EPM2A: variants seen among roughly 807,000 people sequenced by gnomAD.
EPM2A encodes the protein laforin.
In EPM2A, 21 loss-of-function variants were observed where a neutral mutation model predicts 26.5. The observed-to-expected ratio is 0.79, with a 90% CI of 0.56 to 1.14. The LOEUF (loss-of-function observed/expected upper bound fraction) is 1.14, where lower values mean the gene tolerates loss of function less well. EPM2A is among the 50% of genes most tolerant of loss of function. EPM2A has a pLI of 0.00. For missense variants in EPM2A, 458 were observed against 440.8 expected (o/e 1.04, Z -0.35); for synonymous variants, 217 against 177.6 (o/e 1.22, Z -1.76).
chr6:145,640,680 TTAAA>T (rs1777023531), intron 2 of EPM2A: 2 of 152,196 alleles, frequency 1.3e-5, no homozygotes, highest in Non-Finnish European at 2.9e-5. Context: ...GAACTGGCTC[TTAAA>T]TAATGAGTAA....
intron 2 of EPM2A, among the ~76,000 whole-genome samples, chr6:145,647,062 C>A (rs557208401): frequency 1.0e-3 from 152 of 152,324 alleles, no homozygotes; most frequent in Non-Finnish European, 1.9e-3. Context: ...CAACAGCCTC[C>A]AAAATGACCT....
intron 2 of EPM2A, among the ~76,000 whole-genome samples, chr6:145,560,389 CA>C (rs1347659750): frequency 2.0e-5 from 3 of 151,968 alleles, no homozygotes; most frequent in Non-Finnish European, 4.4e-5. Flanking sequence ...ATTTGTAAAT[CA>C]GGGGTGAACA....
At chr6:145,614,961 G>T (rs137874691) in intron 2 of EPM2A, among the ~76,000 whole-genome samples, 33 of 152,310 alleles carry the variant, frequency 2.2e-4, no homozygotes, top group African/African-American at 6.0e-4. Flanking sequence ...CAGTATCTGT[G>T]AAGCACAATA....
intron 4 of EPM2A, among the ~76,000 whole-genome samples, chr6:145,394,854 C>T (rs756332526): frequency 6.6e-6 from 1 of 152,108 alleles, no homozygotes; most frequent in Non-Finnish European, 1.5e-5. Flanking sequence ...ACAGAAAACT[C>T]CACTTACTTT....
intron 4 of EPM2A, among the ~76,000 whole-genome samples, chr6:145,479,020 T>C (rs1417782534): frequency 6.6e-6 from 1 of 151,450 alleles, no homozygotes; most frequent in Admixed American, 6.6e-5. Context: ...TGTGAGGTGC[T>C]GTGTTTTAAA....
intron 2 of EPM2A, among the ~76,000 whole-genome samples, chr6:145,570,147 CT>C (rs1318878754): frequency 7.9e-5 from 12 of 152,098 alleles, no homozygotes; most frequent in Admixed American, 7.9e-4. Context: ...TTCCCCGCCC[CT>C]GACTCAAATG....
chr6:145,502,776 ATATTT>A (rs985612427), intron 2 of EPM2A, among the ~76,000 whole-genome samples: 2 of 152,244 alleles, frequency 1.3e-5, no homozygotes, highest in Admixed American at 1.3e-4. Flanking sequence ...GACTATTAAT[ATATTT>A]ATTTGTTTGA....
intron 1 of EPM2A, among the ~76,000 whole-genome samples, chr6:145,728,559 T>C (rs1413004592): frequency 6.6e-6 from 1 of 152,204 alleles, no homozygotes; most frequent in Non-Finnish European, 1.5e-5. Context: ...AAAGATGATT[T>C]AGGGTATCTG....
chr6:145,467,902 C>A (rs1239429242), intron 4 of EPM2A, among the ~76,000 whole-genome samples: 1 of 151,612 alleles, frequency 6.6e-6, no homozygotes, highest in East Asian at 1.9e-4. Context: ...TGATTATTAC[C>A]CTATATGGAA....
chr6:145,423,244 T>C (rs1476443682), intron 4 of EPM2A, among the ~76,000 whole-genome samples: 1 of 152,160 alleles, frequency 6.6e-6, no homozygotes. Context: ...GCTTCATCCC[T>C]CTGAAAGGGA....
intron 4 of EPM2A, among the ~76,000 whole-genome samples, chr6:145,408,094 T>G (rs1445332064): frequency 2.0e-5 from 3 of 152,202 alleles, no homozygotes; most frequent in Admixed American, 1.3e-4. Flanking sequence ...TTTGAAACTC[T>G]GCCTGTTATG....
chr6:145,549,519 C>T (rs1222376976), intron 2 of EPM2A, among the ~76,000 whole-genome samples: 3 of 152,102 alleles, frequency 2.0e-5, no homozygotes, highest in Non-Finnish European at 4.4e-5. Context: ...GAATATTTTA[C>T]TCTTCAACTT....
chr6:145,642,013 A>G (rs573484999), intron 2 of EPM2A, among the ~76,000 whole-genome samples: 43 of 152,248 alleles, frequency 2.8e-4, no homozygotes, highest in African/African-American at 9.1e-4. Context: ...TGAGTCCAAG[A>G]GAGTTTGGCC....
chr6:145,544,315 T>G (rs1780553692), intron 2 of EPM2A, among the ~76,000 whole-genome samples: 1 of 152,158 alleles, frequency 6.6e-6, no homozygotes, highest in Non-Finnish European at 1.5e-5. Context: ...GGTTTGTGAA[T>G]TTTTTGCAGT....
chr6:145,400,788 GTTCACCATAAA>G (rs71028344), intron 4 of EPM2A, among the ~76,000 whole-genome samples: 16,865 of 152,028 alleles, frequency 0.11, 978 homozygotes, highest in South Asian at 0.17. Context: ...TAGCCAAACT[GTTCACCATAAA>G]TTCTTGTCTC....
chr6:145,580,951 C>A (rs1781104700), intron 2 of EPM2A, among the ~76,000 whole-genome samples: 1 of 152,130 alleles, frequency 6.6e-6, no homozygotes, highest in Admixed American at 6.5e-5. Context: ...CATGTCTTTG[C>A]TTTTTTGAAT....
At chr6:145,456,382 T>C (rs1779262875) in intron 4 of EPM2A, among the ~76,000 whole-genome samples, 1 of 152,192 alleles carries the variant, frequency 6.6e-6, no homozygotes, top group African/African-American at 2.4e-5. Context: ...GCAAAAAGAC[T>C]AATCTACAGT....
intron 2 of EPM2A, among the ~76,000 whole-genome samples, chr6:145,654,264 C>T (rs944069877): frequency 5.9e-5 from 9 of 151,660 alleles, no homozygotes; most frequent in Admixed American, 2.0e-4. Flanking sequence ...CTCACCGCAA[C>T]CTCTGCCTTC....
intron 2 of EPM2A, among the ~76,000 whole-genome samples, chr6:145,596,442 T>G (rs1394184948): frequency 6.6e-6 from 1 of 152,176 alleles, no homozygotes; most frequent in Non-Finnish European, 1.5e-5. Context: ...GAAAATCTCT[T>G]ATGGTTCCTT....
Sources: gnomAD v4.1 joint callset for allele counts (sites outside exome capture counted in the v4.1 genomes callset) on GRCh38, gnomAD v4.1.1 for gene constraint, MANE v1.5 for transcripts, NCBI Gene and HGNC (gene_info 2026-07-23, HGNC 2026-07-21) for gene names.